The following DOCK8 variants were observed in gnomAD, a reference collection of about 807,000 sequenced individuals.
The protein encoded by DOCK8 is dedicator of cytokinesis protein 8.
DOCK8 carries 141 observed loss-of-function variants against 245.6 expected under a neutral mutation model. That is an observed-to-expected ratio of 0.57 (90% CI 0.50 to 0.66). The LOEUF (loss-of-function observed/expected upper bound fraction) is 0.66. Among genes scored for constraint, DOCK8 ranks in the 30% least tolerant of loss-of-function variants. The pLI is 0.00. For synonymous variants in DOCK8, 1,168 were observed against 970.2 expected (o/e 1.20, Z -3.79); for missense variants, 2,965 against 2,603.4 (o/e 1.14, Z -3.02).
At position 376,258 on chromosome 9, in the gene DOCK8, G is replaced by T; in HGVS notation, c.2158G>T (p.Gly720Ter). 1 of 1,613,598 alleles carries T rather than the reference G, an allele frequency of 6.2e-7. No homozygotes were observed. Among genetic ancestry groups the T allele is most frequent in the Non-Finnish European group, 8.5e-7 (1 of 1,179,620 alleles). Reference sequence around the variant, plus strand: ...CATTAAGTGGGCTGAAGGACATAAGGGAGTATTTAATATTGAAGTGCAAGC... The same window carrying T: ...CATTAAGTGGGCTGAAGGACATAAGTGAGTATTTAATATTGAAGTGCAAGC... ...PPIKWAEGHK[G>*]VFNIEVQAVS... The change falls in exon 19 of 48, where the codon GGA becomes TGA. Residue 720 changes from glycine to a stop codon, truncating the protein, a stop_gained. Transcript: ENST00000432829. LOFTEE classifies it high-confidence loss of function.
At chr9:284,860 A>G (rs142399360) in intron 2 of DOCK8, among the ~76,000 whole-genome samples, 1 of 152,202 alleles carries the variant, frequency 6.6e-6, no homozygotes, top group Non-Finnish European at 1.5e-5. Context: ...CAAATGCTGC[A>G]TGTTCTCACT....
chr9:407,956 G>T lies in DOCK8; in HGVS notation c.3530+887G>T, dbSNP rs547184396. ...GTGTTTAGATTAGGCATACAGAATT[G>T]CAGGAACTTGCCCACTATTCCATAA... On this transcript the variant is annotated intron_variant, in intron 28 of 47. Coordinates refer to ENST00000432829, the MANE Select transcript of DOCK8 (RefSeq NM_203447.4). 2.2e-4 allele frequency among the ~76,000 whole-genome samples: 34 copies of T among 152,274 alleles called. No homozygotes were observed. The East Asian group carries it at 4.1e-3, about 18-fold the overall frequency.
chr9:435,164 G>C (rs2056856577), intron 39 of DOCK8, among the ~76,000 whole-genome samples, 189 bp downstream of exon 39: 2 of 152,202 alleles, frequency 1.3e-5, no homozygotes, highest in Non-Finnish European at 2.9e-5. Flanking sequence ...CAATAGGAGA[G>C]CTCCCCTGAC....
intron 2 of DOCK8, among the ~76,000 whole-genome samples, chr9:279,082 G>A (rs562943049): frequency 1.3e-5 from 2 of 152,342 alleles, no homozygotes; most frequent in South Asian, 4.1e-4. Flanking sequence ...GAAGAAAGTG[G>A]ATAGGATTTT....
intron 6 of DOCK8, chr9:313,084 T>C (rs536271191): frequency 6.6e-6 from 1 of 152,534 alleles, no homozygotes; most frequent in South Asian, 2.1e-4. Flanking sequence ...TAACCTGCCC[T>C]TCAGTGAGCT....
intron 1 of DOCK8, among the ~76,000 whole-genome samples, chr9:257,215 C>G (rs2047798507): frequency 6.6e-6 from 1 of 152,140 alleles, no homozygotes; most frequent in African/African-American, 2.4e-5. Flanking sequence ...TATTTGAGGG[C>G]ACATTAACTA....
intron 28 of DOCK8, among the ~76,000 whole-genome samples, chr9:407,876 G>T (rs550599122): frequency 6.6e-5 from 10 of 152,266 alleles, no homozygotes; most frequent in African/African-American, 2.4e-4. Context: ...ACCATCCAGG[G>T]ACTCAGATTC....
At chr9:248,663 T>C (rs543920440) in intron 1 of DOCK8, among the ~76,000 whole-genome samples, 9 of 152,076 alleles carry the variant, frequency 5.9e-5, no homozygotes, top group Non-Finnish European at 1.3e-4. Flanking sequence ...CACGACCTAA[T>C]GAAAATACTG....
intron 46 of DOCK8, 28 bp downstream of exon 46, chr9:452,145 A>G (rs1269585327): frequency 6.9e-7 from 1 of 1,446,818 alleles, no homozygotes; most frequent in Non-Finnish European, 9.7e-7. Flanking sequence ...TGGGAATTTC[A>G]GTAGAGCAGT....
intron 2 of DOCK8, chr9:277,024 G>A (rs1453949316): frequency 6.5e-6 from 2 of 305,612 alleles, no homozygotes; most frequent in South Asian, 2.4e-5. Flanking sequence ...GTCCAGGCTG[G>A]TCTTGAACTC....
Position 443,787 on chromosome 9 carries a change from C to T in DOCK8, c.5580+271C>T, listed in dbSNP as rs114708897. On this transcript the variant is annotated intron_variant, in intron 43 of 47. Coordinates refer to ENST00000432829, the MANE Select transcript of DOCK8 (RefSeq NM_203447.4). Reference sequence around the variant, plus strand: ...ACATACATCATTTTATTTCATCCTGCAACGACCCCTGGAAGTAGATTTTGT... The same window carrying T: ...ACATACATCATTTTATTTCATCCTGTAACGACCCCTGGAAGTAGATTTTGT... Among the ~76,000 whole-genome samples the T allele has an allele frequency of 5.1e-3, 778 of 152,248 alleles. 4 individuals are homozygous for T. Among genetic ancestry groups the T allele is most frequent in the African/African-American group, 0.017 (720 of 41,534 alleles).
chr9:292,586 G>A (rs1319195395), intron 4 of DOCK8, among the ~76,000 whole-genome samples: 1 of 150,320 alleles, frequency 6.7e-6, no homozygotes, highest in African/African-American at 2.4e-5. Context: ...CTGGTGCTCT[G>A]CTTATTCGTG....
At chr9:254,486 C>A (rs2047723556) in intron 1 of DOCK8, among the ~76,000 whole-genome samples, 1 of 152,152 alleles carries the variant, frequency 6.6e-6, no homozygotes, top group Non-Finnish European at 1.5e-5. Context: ...CTGTGAAAAT[C>A]CTTCTCTTCC....
At chr9:377,344 G>A in intron 20 of DOCK8, 133 bp downstream of exon 20, 1 of 829,704 alleles carries the variant, frequency 1.2e-6, no homozygotes, top group Non-Finnish European at 1.7e-6. Flanking sequence ...GCTCAAGGGA[G>A]GCCAAGTCTT....
chr9:451,989 T>A lies in DOCK8; in HGVS notation c.5962-22T>A, dbSNP rs1186730914. 289 of 466,400 alleles carry A rather than the reference T, an allele frequency of 6.2e-4. 1 individual carries two copies. The highest frequency in any genetic ancestry group is 2.2e-3 in the African/African-American group (79 of 36,656). 28.9% of individuals were successfully genotyped at this position (466,400 alleles called of 1,614,324 possible). A position where few individuals can be genotyped will look rare whatever the true frequency, so the allele number is the denominator to read the frequency against. ...TATATATATATATATTTTTTTTTTTTTTTTTTTTTTTTTCCCACCAGGGAC... is the reference window on the plus strand; with the variant it reads ...TATATATATATATATTTTTTTTTTTATTTTTTTTTTTTTCCCACCAGGGAC... On this transcript the variant is annotated intron_variant, in intron 45 of 47. Coordinates refer to ENST00000432829, the MANE Select transcript of DOCK8 (RefSeq NM_203447.4).
At chr9:257,034 A>G (rs573860) in intron 1 of DOCK8, among the ~76,000 whole-genome samples, 57,545 of 152,086 alleles carry the variant, frequency 0.38, 11,763 homozygotes, top group East Asian at 0.79. Flanking sequence ...CTCCCACATC[A>G]GAGCTTTTTC....
chr9:313,171 A>G (rs889808949), intron 6 of DOCK8, among the ~76,000 whole-genome samples: 1 of 152,226 alleles, frequency 6.6e-6, no homozygotes, highest in Non-Finnish European at 1.5e-5. Context: ...TGGAAATACT[A>G]TTGTTGACAT....
At chr9:387,650 A>G (rs1174153751) in intron 23 of DOCK8, among the ~76,000 whole-genome samples, 1 of 152,178 alleles carries the variant, frequency 6.6e-6, no homozygotes, top group Non-Finnish European at 1.5e-5. Context: ...GCAGTATTCC[A>G]GGCACCATAT....
At chr9:314,485 T>C (rs2050260131) in intron 6 of DOCK8, 1 of 152,220 alleles carries the variant, frequency 6.6e-6, no homozygotes. Context: ...TTAGAGGAAC[T>C]TTGTTTTATG....
Sources: gnomAD v4.1 joint callset for allele counts (sites outside exome capture counted in the v4.1 genomes callset) on GRCh38, gnomAD v4.1.1 for gene constraint, MANE v1.5 for transcripts, NCBI Gene and HGNC (gene_info 2026-07-23, HGNC 2026-07-21) for gene names.